The following SESTD1 variants were observed in gnomAD, a reference collection of about 807,000 sequenced individuals.
The protein encoded by SESTD1 is SEC14 and spectrin domain containing 1.
Under a neutral mutation model 101.7 loss-of-function variants are expected in SESTD1, and 43 were observed. The ratio of observed to expected loss-of-function variants is 0.42; its 90% confidence interval spans 0.33 to 0.55. The LOEUF (loss-of-function observed/expected upper bound fraction) is 0.55, where lower values mean the gene tolerates loss of function less well. Among genes scored for constraint, SESTD1 ranks in the 20% least tolerant of loss-of-function variants. The probability of loss-of-function intolerance (pLI) is 0.07; values close to 1 mark genes in which losing one functional copy is unlikely to be tolerated. For synonymous variants in SESTD1, 283 were observed against 286.8 expected (o/e 0.99, Z 0.13); for missense variants, 647 against 815.1 (o/e 0.79, Z 2.51).
chr2:179,220,889 G>A (rs1336716934), intron 1 of SESTD1, among the ~76,000 whole-genome samples: 3 of 152,100 alleles, frequency 2.0e-5, no homozygotes, highest in Admixed American at 6.5e-5. Flanking sequence ...ATTGAGTTAA[G>A]ACTAAATGTA....
At chr2:179,172,289 A>G (rs2045941162) in intron 4 of SESTD1, 56 bp from the exon 5 acceptor site, 3 of 1,134,644 alleles carry the variant, frequency 2.6e-6, no homozygotes, top group Non-Finnish European at 2.5e-6. Context: ...ATAATTTACT[A>G]AATTTATAAA....
chr2:179,228,888 T>A (rs1377008321), intron 1 of SESTD1, among the ~76,000 whole-genome samples: 2 of 152,106 alleles, frequency 1.3e-5, no homozygotes, highest in African/African-American at 4.8e-5. Context: ...CAGATAGATC[T>A]AGGGGGAGAA....
chr2:179,170,250 TAAA>T (rs1240569563), intron 5 of SESTD1, among the ~76,000 whole-genome samples: 3 of 151,004 alleles, frequency 2.0e-5, no homozygotes, highest in Admixed American at 6.6e-5. Context: ...TCATCATAGT[TAAA>T]AAAATTTCTT....
rs192106494 is a variant in SESTD1 at position 179,168,396 on chromosome 2, A to G, written c.369+3724T>C. ...ATTAGTAAGGCTTTTGGTCAATAGT[A>G]GGCTATTAGCATTTAAGTTCTTAGA... On this transcript the variant is annotated intron_variant, in intron 5 of 17. Coordinates refer to ENST00000428443, the MANE Select transcript of SESTD1 (RefSeq NM_178123.5). Among the ~76,000 whole-genome samples the G allele has an allele frequency of 3.1e-3, 466 of 152,342 alleles. 2 individuals carry two copies. The highest frequency in any genetic ancestry group is 0.011 in the African/African-American group (441 of 41,572).
Position 179,102,325 on chromosome 2 carries a change from T to C in SESTD1, c.*7574A>G, listed in dbSNP as rs1292629046. On this transcript the variant is annotated 3_prime_UTR_variant, in exon 18 of 18. Transcript: ENST00000428443. ...AATGAAAGGTTTTAGGTAACACTGT[T>C]AGAAACAATTTAAACCTTTACAAAA... 4.6e-5 allele frequency: 7 copies of C among 152,132 alleles called. No homozygotes were observed. Among genetic ancestry groups the C allele is most frequent in the Non-Finnish European group, 7.4e-5 (5 of 68,022 alleles). The allele number at this position is 152,132 out of a possible 1,614,324, so 9.4% of individuals were successfully genotyped here. A position where few individuals can be genotyped will look rare whatever the true frequency, so the allele number is the denominator to read the frequency against.
chr2:179,261,464 C>T (rs1339402020), intron 1 of SESTD1, among the ~76,000 whole-genome samples: 1 of 151,988 alleles, frequency 6.6e-6, no homozygotes, highest in African/African-American at 2.4e-5. Flanking sequence ...ACTTTAGTTT[C>T]CTGGCAGTAA....
intron 4 of SESTD1, chr2:179,174,437 C>G (rs559729893): frequency 2.1e-6 from 1 of 469,026 alleles, no homozygotes; most frequent in Non-Finnish European, 4.4e-6. Flanking sequence ...CCAGTTCAAA[C>G]AGCAAGTCCC....
chr2:179,165,834 T>G (rs1241924813), intron 5 of SESTD1, among the ~76,000 whole-genome samples: 1 of 151,974 alleles, frequency 6.6e-6, no homozygotes, highest in Non-Finnish European at 1.5e-5. Flanking sequence ...AAGAGAAAAG[T>G]GGGAAAAAAT....
At chr2:179,136,973 A>T (rs548566033) in intron 9 of SESTD1, among the ~76,000 whole-genome samples, 17 of 152,282 alleles carry the variant, frequency 1.1e-4, no homozygotes, top group Middle Eastern at 3.4e-3. Flanking sequence ...GACACAGTAA[A>T]TATGCCTATT....
Position 179,128,616 on chromosome 2 carries a change from C to G in SESTD1, c.972+3688G>C, listed in dbSNP as rs573306424. ...TGGTGGCGCATGCCTGTAATCCCAGCTACTCTGGAGGCTGAGGCAGGAGAA... is the reference window on the plus strand; with the variant it reads ...TGGTGGCGCATGCCTGTAATCCCAGGTACTCTGGAGGCTGAGGCAGGAGAA... On this transcript the variant is annotated intron_variant, in intron 10 of 17. Coordinates refer to ENST00000428443, the MANE Select transcript of SESTD1 (RefSeq NM_178123.5). Among the ~76,000 whole-genome samples the G allele has an allele frequency of 2.6e-5, 4 of 151,866 alleles. No homozygotes were observed. In the East Asian group the frequency reaches 7.8e-4, roughly 29 times the overall value.
chr2:179,225,130 C>T (rs1217036813), intron 1 of SESTD1, among the ~76,000 whole-genome samples: 1 of 152,104 alleles, frequency 6.6e-6, no homozygotes, highest in Non-Finnish European at 1.5e-5. Flanking sequence ...AGTGTTAGAA[C>T]TGAGTTAAAT....
chr2:179,224,142 A>G (rs1421657232), intron 1 of SESTD1, among the ~76,000 whole-genome samples: 1 of 152,180 alleles, frequency 6.6e-6, no homozygotes. Context: ...AAAAAATGGG[A>G]TCTCAAATTA....
At chr2:179,184,969 CA>C (rs2046185402) in intron 2 of SESTD1, among the ~76,000 whole-genome samples, 1 of 151,996 alleles carries the variant, frequency 6.6e-6, no homozygotes, top group Non-Finnish European at 1.5e-5. Flanking sequence ...TAGTTATGGT[CA>C]AAAGCATCAA....
chr2:179,249,212 T>TTAA (rs372699404), intron 1 of SESTD1, among the ~76,000 whole-genome samples: 1 of 126,028 alleles, frequency 7.9e-6, no homozygotes, highest in Non-Finnish European at 1.7e-5. Flanking sequence ...GCATACAGAT[T>TTAA]AAAAAAAAAA....
Position 179,124,390 on chromosome 2 carries a change from G to C in SESTD1, c.1141C>G (p.Leu381Val). 2 of 1,613,996 alleles carry C rather than the reference G, an allele frequency of 1.2e-6. No individual in the cohort carries two copies. Among genetic ancestry groups the C allele is most frequent in the South Asian group, 1.1e-5 (1 of 91,042 alleles). ...TCTTGGGCAACACCATGAAATTCAA[G>C]AGCTGCTTGTAAGAGATTTTGCCTA... is the stretch of plus-strand genomic sequence containing the variant. ...EFRQNLLQAA[L>V]EFHGVAQDLS... is the part of the protein sequence containing the mutation. Residue 381 changes from leucine (L) to valine (V), a missense_variant, in exon 11 of 18, where the codon CTT (leucine) becomes GTT (valine). Leu to Val is a conservative substitution (Grantham distance 32). This residue lies in a region of SESTD1 where 476 missense variants were observed against 562.6 expected (regional missense o/e 0.85). Transcript: ENST00000428443.
In SESTD1 at chr2:179,116,760, C is replaced by T; in HGVS notation, c.1555G>A (p.Ala519Thr). The T allele has an allele frequency of 6.2e-7, 1 of 1,614,030 alleles. No homozygotes were observed. Among genetic ancestry groups the T allele is most frequent in the Non-Finnish European group, 8.5e-7 (1 of 1,179,950 alleles). ...AVEWLSELLDALLKTHIRLGD... is the reference protein window; with the variant it reads ...AVEWLSELLDTLLKTHIRLGD... ...AATCTGATGTGAGTCTTAAGCAGAGCATCCAGAAGTTCACTTAGCCATTCT... is the reference window on the plus strand; with the variant it reads ...AATCTGATGTGAGTCTTAAGCAGAGTATCCAGAAGTTCACTTAGCCATTCT... The change falls in exon 15 of 18, where the codon GCT becomes ACT. Residue 519 changes from alanine to threonine, a missense_variant. By Grantham distance (58) the Ala-to-Thr change is moderately conservative. This residue lies in a region of SESTD1 where 476 missense variants were observed against 562.6 expected (regional missense o/e 0.85). Coordinates refer to ENST00000428443, the MANE Select transcript of SESTD1 (RefSeq NM_178123.5).
intron 1 of SESTD1, among the ~76,000 whole-genome samples, chr2:179,247,624 G>C (rs574330618): frequency 1.3e-5 from 2 of 149,864 alleles, no homozygotes; most frequent in South Asian, 4.2e-4. Flanking sequence ...TTTTTTTGTA[G>C]AGACAAGATC....
At chr2:179,140,942 C>A (rs1257785552) in intron 9 of SESTD1, among the ~76,000 whole-genome samples, 4 of 152,202 alleles carry the variant, frequency 2.6e-5, no homozygotes, top group Non-Finnish European at 5.9e-5. Context: ...GCCTTCTTTT[C>A]AGGTGTATGC....
chr2:179,263,580 T>C (rs1373105398), intron 1 of SESTD1, among the ~76,000 whole-genome samples: 3 of 152,080 alleles, frequency 2.0e-5, no homozygotes, highest in Non-Finnish European at 4.4e-5. Flanking sequence ...AGACGACCTG[T>C]CAAACAGCTG....
Sources: gnomAD v4.1 joint callset for allele counts (sites outside exome capture counted in the v4.1 genomes callset) on GRCh38, gnomAD v4.1.1 for gene constraint, gnomAD v4.1.1 regional missense constraint, MANE v1.5 for transcripts, NCBI Gene and HGNC (gene_info 2026-07-23, HGNC 2026-07-21) for gene names.